Variants in XKR9 observed in about 807,000 individuals in gnomAD.
XKR9 encodes the protein XK-related protein 9.
Under a neutral mutation model 32.0 loss-of-function variants are expected in XKR9, and 32 were observed. The ratio of observed to expected loss-of-function variants is 1.00; its 90% CI spans 0.76 to 1.34. The LOEUF is 1.34. Among genes scored for constraint, XKR9 ranks in the 40% most tolerant of loss-of-function variants. XKR9 has a pLI of 0.00. For synonymous variants in XKR9, 168 were observed against 143.4 expected (o/e 1.17, Z -1.22); for missense variants, 546 against 429.7 (o/e 1.27, Z -2.39).
At chr8:70,915,524 T>C in the XKR9 span, among the ~76,000 whole-genome samples, 1 of 152,200 alleles carries the variant, frequency 6.6e-6, no homozygotes. Context: ...GATTTTTCTA[T>C]GTCTGATTTT....
chr8:70,944,113 T>A, the XKR9 span, among the ~76,000 whole-genome samples: 1 of 151,590 alleles, frequency 6.6e-6, no homozygotes, highest in Non-Finnish European at 1.5e-5. Flanking sequence ...CTTGTGCTTC[T>A]CAGAGATTGA....
At chr8:70,908,362 C>T in the XKR9 span, among the ~76,000 whole-genome samples, 7 of 152,070 alleles carry the variant, frequency 4.6e-5, no homozygotes, top group East Asian at 3.8e-4. Context: ...TAAATGATCA[C>T]GAAGTTCTGT....
At chr8:71,020,087 G>A in the XKR9 span, among the ~76,000 whole-genome samples, 11 of 152,166 alleles carry the variant, frequency 7.2e-5, no homozygotes, top group Non-Finnish European at 4.4e-5. Flanking sequence ...TTGGGGTTAA[G>A]ACTACATTTC....
chr8:71,061,860 T>C, the XKR9 span, among the ~76,000 whole-genome samples: 57 of 152,288 alleles, frequency 3.7e-4, no homozygotes, highest in African/African-American at 1.1e-3. Context: ...TCCTAGTATA[T>C]TTAGGGTGCT....
the XKR9 span, among the ~76,000 whole-genome samples, chr8:70,840,330 T>G: frequency 1.3e-5 from 2 of 152,174 alleles, no homozygotes; most frequent in East Asian, 3.8e-4. Flanking sequence ...ATTTTTGCAT[T>G]TTTTTAAGAT....
chr8:70,683,420 T>G (rs1475740450), intron 3 of XKR9: 1 of 381,418 alleles, frequency 2.6e-6, no homozygotes, highest in African/African-American at 2.2e-5. Context: ...TGTTTATGTT[T>G]ACCCATATAT....
the XKR9 span, among the ~76,000 whole-genome samples, chr8:70,893,624 A>G: frequency 6.6e-6 from 1 of 152,192 alleles, no homozygotes; most frequent in Admixed American, 6.6e-5. Flanking sequence ...GACATTTGCA[A>G]TAACTGTGGG....
the XKR9 span, among the ~76,000 whole-genome samples, chr8:70,917,843 T>C: frequency 6.6e-6 from 1 of 152,212 alleles, no homozygotes; most frequent in African/African-American, 2.4e-5. Context: ...TGTAAGCTTC[T>C]TTCATCATTC....
chr8:70,971,278 C>A, the XKR9 span, among the ~76,000 whole-genome samples: 27 of 151,866 alleles, frequency 1.8e-4, no homozygotes, highest in South Asian at 5.6e-3. Flanking sequence ...TGAGAATCAT[C>A]TATTCATATC....
chr8:70,686,806 T>A (rs1586813915), intron 3 of XKR9, among the ~76,000 whole-genome samples: 1 of 152,072 alleles, frequency 6.6e-6, no homozygotes, highest in Admixed American at 6.5e-5. Flanking sequence ...TCTTTTAAAA[T>A]TTTTTTTCAG....
At chr8:70,892,821 C>T in the XKR9 span, among the ~76,000 whole-genome samples, 1 of 152,044 alleles carries the variant, frequency 6.6e-6, no homozygotes, top group African/African-American at 2.4e-5. Flanking sequence ...AAGGAGGTCC[C>T]TTTGGGGTTG....
chr8:71,049,941 A>G, the XKR9 span, among the ~76,000 whole-genome samples: 2 of 152,212 alleles, frequency 1.3e-5, no homozygotes, highest in East Asian at 3.8e-4. Flanking sequence ...GATGAACAGC[A>G]TCTGACTGAA....
the XKR9 span, among the ~76,000 whole-genome samples, chr8:71,060,947 T>G: frequency 6.6e-6 from 1 of 152,190 alleles, no homozygotes; most frequent in Non-Finnish European, 1.5e-5. Context: ...GTAATAGTAG[T>G]GTTACTAATC....
At chr8:70,720,166 C>T (rs1806228501) in intron 4 of XKR9, among the ~76,000 whole-genome samples, 1 of 152,134 alleles carries the variant, frequency 6.6e-6, no homozygotes, top group Non-Finnish European at 1.5e-5. Flanking sequence ...TGAGACTTTG[C>T]TGAAGTTGCT....
intron 4 of XKR9, among the ~76,000 whole-genome samples, chr8:70,709,005 T>C (rs1373076204): frequency 6.6e-6 from 1 of 151,806 alleles, no homozygotes; most frequent in Non-Finnish European, 1.5e-5. Context: ...AAAAGAAAAC[T>C]CCAGGCCAAT....
chr8:70,832,909 C>T, the XKR9 span, among the ~76,000 whole-genome samples: 1 of 152,144 alleles, frequency 6.6e-6, no homozygotes, highest in African/African-American at 2.4e-5. Context: ...TTCACTGATA[C>T]ATCTTCAGTG....
the XKR9 span, among the ~76,000 whole-genome samples, chr8:70,924,007 C>G: frequency 6.6e-6 from 1 of 152,142 alleles, no homozygotes; most frequent in Admixed American, 6.5e-5. Flanking sequence ...AACTGGTTCT[C>G]TCAAAAACTA....
At chr8:70,675,495 T>G (rs1818854697) in intron 2 of XKR9, among the ~76,000 whole-genome samples, 1 of 152,228 alleles carries the variant, frequency 6.6e-6, no homozygotes, top group South Asian at 2.1e-4. Flanking sequence ...TTTTTCAAAC[T>G]TTTATGCTCT....
chr8:70,897,132 T>C, the XKR9 span, among the ~76,000 whole-genome samples: 1 of 152,134 alleles, frequency 6.6e-6, no homozygotes, highest in Non-Finnish European at 1.5e-5. Flanking sequence ...TGAGAACATG[T>C]GATGTTTGTC....
Sources: allele counts gnomAD v4.1 joint callset (sites outside exome capture counted in the v4.1 genomes callset), GRCh38; gene constraint gnomAD v4.1.1; transcripts MANE v1.5; gene names NCBI Gene and HGNC (gene_info 2026-07-23, HGNC 2026-07-21).